NRG1: variants seen among roughly 807,000 people sequenced by gnomAD.
NRG1 encodes pro-neuregulin-1, membrane-bound isoform.
NRG1 carries 18 observed loss-of-function variants against 63.8 expected under a neutral mutation model. That is an observed-to-expected ratio of 0.28 (90% CI 0.19 to 0.42). The LOEUF (loss-of-function observed/expected upper bound fraction) is 0.42. Among genes scored for constraint, NRG1 ranks in the 10% least tolerant of loss-of-function variants. NRG1 has a pLI of 1.00. For missense variants in NRG1, 762 were observed against 814.7 expected, an observed-to-expected ratio of 0.94 and a Z score of 0.79; for synonymous variants, 302 against 301.3, an observed-to-expected ratio of 1.00 and a Z score of -0.02.
chr8:32,747,256 A>G (rs916863087), intron 7 of NRG1, among the ~76,000 whole-genome samples: 2 of 152,128 alleles, frequency 1.3e-5, no homozygotes, highest in African/African-American at 2.4e-5. Flanking sequence ...CTCTCTGGAA[A>G]GAGTTTCTGT....
chr8:31,927,882 A>T (rs1214779882), intron 1 of NRG1, among the ~76,000 whole-genome samples: 4 of 149,938 alleles, frequency 2.7e-5, no homozygotes, highest in South Asian at 2.1e-4. Context: ...TTATTATTAT[A>T]ATACTTTAAG....
chr8:31,934,636 C>T (rs1025555346), intron 1 of NRG1, among the ~76,000 whole-genome samples: 17 of 151,974 alleles, frequency 1.1e-4, no homozygotes, highest in African/African-American at 3.6e-4. Context: ...TTATTATCCA[C>T]GGAAAGGGTA....
chr8:32,059,388 T>C (rs761868750), intron 1 of NRG1, among the ~76,000 whole-genome samples: 14 of 152,026 alleles, frequency 9.2e-5, no homozygotes, highest in Non-Finnish European at 1.8e-4. Context: ...TTTGGTGTTA[T>C]TGGTGCTATC....
At chr8:31,839,477 G>T (rs1163822471) in intron 1 of NRG1, among the ~76,000 whole-genome samples, 1 of 152,088 alleles carries the variant, frequency 6.6e-6, no homozygotes, top group African/African-American at 2.4e-5. Context: ...TTTTATGGTG[G>T]AATGCTCTAG....
At chr8:32,522,586 A>G (rs559674563) in intron 1 of NRG1, among the ~76,000 whole-genome samples, 1 of 152,036 alleles carries the variant, frequency 6.6e-6, no homozygotes, top group Non-Finnish European at 1.5e-5. Flanking sequence ...GAAAAGCTAA[A>G]CTTCCCTTCC....
At chr8:32,732,508 G>A (rs929509476) in intron 6 of NRG1, among the ~76,000 whole-genome samples, 6 of 151,984 alleles carry the variant, frequency 3.9e-5, no homozygotes, top group African/African-American at 1.2e-4. Context: ...TCATCTGGAG[G>A]GGATTAGAGT....
chr8:32,059,400 A>G (rs1006820699), intron 1 of NRG1, among the ~76,000 whole-genome samples: 4 of 151,902 alleles, frequency 2.6e-5, no homozygotes, highest in Admixed American at 1.3e-4. Flanking sequence ...GGTGCTATCA[A>G]TCTTCTTGGT....
intron 1 of NRG1, among the ~76,000 whole-genome samples, chr8:32,217,427 C>A (rs1026011693): frequency 6.6e-6 from 1 of 151,970 alleles, no homozygotes; most frequent in Non-Finnish European, 1.5e-5. Flanking sequence ...AACAGAACAC[C>A]AGCCAATTTC....
At chr8:32,708,096 G>T (rs1411681161) in intron 5 of NRG1, among the ~76,000 whole-genome samples, 6 of 147,730 alleles carry the variant, frequency 4.1e-5, no homozygotes, top group African/African-American at 1.5e-4. Context: ...TAATCCAAAA[G>T]ACTCCTAATT....
intron 1 of NRG1, among the ~76,000 whole-genome samples, chr8:31,769,916 G>A (rs374385643): frequency 2.4e-4 from 36 of 152,222 alleles, no homozygotes; most frequent in African/African-American, 6.7e-4. Flanking sequence ...AACACTCTGG[G>A]GTGTTTATGT....
Position 31,761,491 on chromosome 8 carries a change from A to G in NRG1, c.37+122060A>G, listed in dbSNP as rs116902020. Among the ~76,000 whole-genome samples the G allele has an allele frequency of 3.8e-3, 585 of 152,228 alleles. 1 individual carries two copies. Among genetic ancestry groups the G allele is most frequent in the Middle Eastern group, 0.02 (6 of 294 alleles). On this transcript the variant is annotated intron_variant, in intron 1 of 10. Transcript: ENST00000519301. The stretch of plus-strand genomic sequence containing the variant: ...TAAATAAAAATAAAAATAAAGTGAA[A>G]GTTGTGTGACTCTTCCTTTCACTTG...
At chr8:32,481,658 T>G (rs1297364667) in intron 1 of NRG1, among the ~76,000 whole-genome samples, 2 of 152,260 alleles carry the variant, frequency 1.3e-5, no homozygotes, top group Non-Finnish European at 2.9e-5. Flanking sequence ...CATCTCTGCC[T>G]TAATTGATTC....
intron 5 of NRG1, among the ~76,000 whole-genome samples, chr8:32,674,528 A>G (rs1466922866): frequency 1.3e-5 from 2 of 152,196 alleles, no homozygotes; most frequent in East Asian, 3.9e-4. Context: ...AAACCTTGGG[A>G]CAATGTCATT....
intron 1 of NRG1, among the ~76,000 whole-genome samples, chr8:32,496,325 A>G (rs1827190605): frequency 1.3e-5 from 2 of 152,338 alleles, no homozygotes; most frequent in South Asian, 4.1e-4. Flanking sequence ...AAAACTAGAA[A>G]AGATTGGCCA....
intron 1 of NRG1, among the ~76,000 whole-genome samples, chr8:32,058,396 A>T (rs138757743): frequency 1.3e-5 from 2 of 152,052 alleles, no homozygotes; most frequent in Non-Finnish European, 2.9e-5. Flanking sequence ...GAACCACTCC[A>T]TAATTACAAT....
intron 1 of NRG1, among the ~76,000 whole-genome samples, chr8:32,487,115 T>C (rs1207088471): frequency 2.0e-5 from 3 of 148,602 alleles, no homozygotes; most frequent in Non-Finnish European, 4.4e-5. Context: ...CAAAGCAAAA[T>C]CTCATCTTTT....
chr8:32,614,611 A>G, intron 4 of NRG1, 47 bp downstream of exon 4: 2 of 1,575,938 alleles, frequency 1.3e-6, no homozygotes, highest in South Asian at 1.1e-5. Context: ...AATGACAACC[A>G]TAACTGCTGG....
chr8:32,326,294 C>T (rs1258161946), intron 1 of NRG1, among the ~76,000 whole-genome samples: 1 of 149,604 alleles, frequency 6.7e-6, no homozygotes, highest in East Asian at 2.0e-4. Flanking sequence ...AGGTGTGAGC[C>T]ACTGTGCCCA....
intron 1 of NRG1, among the ~76,000 whole-genome samples, chr8:32,222,034 T>TACACACACACACACAC (rs202206585): frequency 0.013 from 1,905 of 148,588 alleles, 46 homozygotes; most frequent in African/African-American, 0.045. Context: ...GAAACATACA[T>TACACACACACACACAC]ACACACACAC....
Sources: allele counts gnomAD v4.1 joint callset (sites outside exome capture counted in the v4.1 genomes callset), GRCh38; gene constraint gnomAD v4.1.1; transcripts MANE v1.5; gene names NCBI Gene and HGNC (gene_info 2026-07-23, HGNC 2026-07-21).